Variants in WDR70 observed in about 807,000 individuals in gnomAD.
WDR70 encodes WD repeat domain 70, also known as WD repeat-containing protein 70.
WDR70 carries 53 observed loss-of-function variants against 88.6 expected under a neutral mutation model. The observed-to-expected ratio is 0.60, with a 90% CI of 0.48 to 0.75. The LOEUF (loss-of-function observed/expected upper bound fraction) is 0.75. WDR70 is among the 30% of genes least tolerant of loss of function. The pLI is 0.00. For synonymous variants in WDR70, 280 were observed against 270.0 expected, an observed-to-expected ratio of 1.04 and a Z score of -0.36; for missense variants, 610 against 823.2, an observed-to-expected ratio of 0.74 and a Z score of 3.17.
At chr5:37,439,251 G>A (rs1750577939) in intron 6 of WDR70, among the ~76,000 whole-genome samples, 1 of 152,056 alleles carries the variant, frequency 6.6e-6, no homozygotes, top group Non-Finnish European at 1.5e-5. Flanking sequence ...AGTGTAAAGA[G>A]TCTTGAAATG....
At chr5:37,404,951 G>A (rs1749308013) in intron 5 of WDR70, among the ~76,000 whole-genome samples, 1 of 152,050 alleles carries the variant, frequency 6.6e-6, no homozygotes, top group Admixed American at 6.6e-5. Flanking sequence ...ATTACTGCTG[G>A]GTGTGTGGTA....
At chr5:37,637,682 C>A (rs1316334550) in intron 10 of WDR70, among the ~76,000 whole-genome samples, 1 of 152,140 alleles carries the variant, frequency 6.6e-6, no homozygotes, top group Non-Finnish European at 1.5e-5. Flanking sequence ...TTGAGAGTCA[C>A]CACCTGGAAG....
chr5:37,457,531 T>C (rs1461049755), intron 7 of WDR70, among the ~76,000 whole-genome samples: 1 of 152,224 alleles, frequency 6.6e-6, no homozygotes, highest in African/African-American at 2.4e-5. Context: ...AAATTACAAA[T>C]GCATATACCC....
intron 5 of WDR70, among the ~76,000 whole-genome samples, chr5:37,405,515 C>G (rs566714372): frequency 9.9e-5 from 15 of 151,924 alleles, no homozygotes; most frequent in African/African-American, 3.4e-4. Flanking sequence ...GTGCCTGGCC[C>G]TGACTCATAC....
At chr5:37,570,859 A>C (rs1415885842) in intron 9 of WDR70, among the ~76,000 whole-genome samples, 3 of 152,122 alleles carry the variant, frequency 2.0e-5, no homozygotes, top group African/African-American at 7.2e-5. Context: ...TGTTTCTCAA[A>C]TAGTCCCTCC....
chr5:37,454,944 A>G (rs1051030925), intron 7 of WDR70, among the ~76,000 whole-genome samples: 36 of 152,206 alleles, frequency 2.4e-4, no homozygotes, highest in African/African-American at 7.7e-4. Context: ...TTGCCTGTAA[A>G]ATAGAATTAA....
At chr5:37,415,484 A>C in intron 5 of WDR70, among the ~76,000 whole-genome samples, 1 of 59,626 alleles carries the variant, frequency 1.7e-5, no homozygotes, top group Admixed American at 1.6e-4. Flanking sequence ...TCCCTCCCGG[A>C]AGGGGCGGCT....
chr5:37,550,051 G>A (rs1742099929), intron 9 of WDR70, among the ~76,000 whole-genome samples: 1 of 152,022 alleles, frequency 6.6e-6, no homozygotes, highest in African/African-American at 2.4e-5. Flanking sequence ...TTTTAGTGGA[G>A]ATGGAGTTTT....
At chr5:37,551,597 C>T (rs78248147) in intron 9 of WDR70, among the ~76,000 whole-genome samples, 24,718 of 151,022 alleles carry the variant, frequency 0.16, 2,133 homozygotes, top group South Asian at 0.27. Context: ...GGTGTGGTGG[C>T]ACATGCCTTA....
chr5:37,641,434 T>TTA (rs1296557094), intron 10 of WDR70, among the ~76,000 whole-genome samples: 6 of 117,178 alleles, frequency 5.1e-5, no homozygotes, highest in Middle Eastern at 7.2e-3. Flanking sequence ...TTTTTTTTTT[T>TTA]AAGACAGACT....
intron 9 of WDR70, among the ~76,000 whole-genome samples, chr5:37,592,809 T>G (rs1280535019): frequency 3.9e-5 from 6 of 152,216 alleles, no homozygotes; most frequent in African/African-American, 7.2e-5. Flanking sequence ...GCTTACTGAT[T>G]GGAAGGAAGA....
chr5:37,453,410 G>A (rs1166765823), intron 7 of WDR70, among the ~76,000 whole-genome samples: 3 of 152,256 alleles, frequency 2.0e-5, no homozygotes, highest in Non-Finnish European at 4.4e-5. Context: ...CTGAAATAAA[G>A]GGATGGGTTG....
chr5:37,575,805 A>G (rs1051130369), intron 9 of WDR70, among the ~76,000 whole-genome samples: 1 of 152,206 alleles, frequency 6.6e-6, no homozygotes, highest in Non-Finnish European at 1.5e-5. Flanking sequence ...TAGCCAAGTT[A>G]ATTAGAAATA....
At position 37,752,857 on chromosome 5, in the gene WDR70, T is replaced by C. The variant is rs532959956; in HGVS notation, c.*284T>C. On this transcript the variant is annotated 3_prime_UTR_variant, in exon 18 of 18. Transcript: ENST00000265107. ...CTTTATTCAACAATTATTGGTCTTG[T>C]CCAGATTCTCATAACCTTAGAGAGG... 3 of 270,826 alleles carry C rather than the reference T, an allele frequency of 1.1e-5. No individual in the cohort carries two copies. The South Asian group carries it at 2.0e-4, about 18-fold the overall frequency. The allele number at this position is 270,826 out of a possible 1,614,324, so 16.8% of individuals were successfully genotyped here.
intron 7 of WDR70, among the ~76,000 whole-genome samples, chr5:37,446,686 G>A (rs1048407157): frequency 6.6e-6 from 1 of 152,102 alleles, no homozygotes; most frequent in African/African-American, 2.4e-5. Flanking sequence ...ACAAGAAATG[G>A]GGAAAGGATT....
At chr5:37,683,691 G>A (rs1417508154) in intron 10 of WDR70, among the ~76,000 whole-genome samples, 1 of 152,082 alleles carries the variant, frequency 6.6e-6, no homozygotes, top group African/African-American at 2.4e-5. Flanking sequence ...TGGCTTGTAG[G>A]GTTTCTGCTG....
At chr5:37,707,339 G>A (rs1747357385) in intron 13 of WDR70, among the ~76,000 whole-genome samples, 3 of 152,090 alleles carry the variant, frequency 2.0e-5, no homozygotes, top group South Asian at 4.1e-4. Flanking sequence ...GCATTCCCAT[G>A]GGTAAAGAGG....
In WDR70 at chr5:37,437,992, AAAT is replaced by A; in HGVS notation, c.552+12_552+14del. On this transcript the variant is annotated intron_variant, in intron 6 of 17. Coordinates refer to ENST00000265107, the MANE Select transcript of WDR70 (RefSeq NM_018034.4). ...CATGGCACTAAAACAGTAAGTTTAA[AAAT>A]CTAGTTTTTTCCTCTCTCAAATTAC... The A allele has an allele frequency of 6.2e-7, 1 of 1,605,736 alleles. No individual in the cohort carries two copies. Among genetic ancestry groups the A allele is most frequent in the Non-Finnish European group, 8.5e-7 (1 of 1,176,046 alleles).
chr5:37,687,157 G>C (rs531492678), intron 10 of WDR70, among the ~76,000 whole-genome samples: 1 of 152,188 alleles, frequency 6.6e-6, no homozygotes, highest in South Asian at 2.1e-4. Context: ...GAGGATATTT[G>C]TCATAATGGA....
Sources: allele counts gnomAD v4.1 joint callset (sites outside exome capture counted in the v4.1 genomes callset), GRCh38; gene constraint gnomAD v4.1.1; transcripts MANE v1.5; gene names NCBI Gene and HGNC (gene_info 2026-07-23, HGNC 2026-07-21).